Variants in PHAF1 observed in about 807,000 individuals in gnomAD.
PHAF1 encodes phagophore assembly factor 1.
A neutral mutation model predicts 63.1 loss-of-function variants in PHAF1; 23 were observed. The ratio of observed to expected loss-of-function variants is 0.36; its 90% CI spans 0.26 to 0.52. The LOEUF is 0.52. PHAF1 is among the 20% of genes least tolerant of loss of function. The pLI is 0.93. For synonymous variants in PHAF1, 167 were observed against 185.0 expected (o/e 0.90, Z 0.79); for missense variants, 427 against 517.2 (o/e 0.83, Z 1.69).
chr16:67,136,555 T>TC (rs1491226781), intron 8 of PHAF1, among the ~76,000 whole-genome samples: 1 of 90,820 alleles, frequency 1.1e-5, no homozygotes, highest in Non-Finnish European at 1.9e-5. Context: ...CATTGATTCC[T>TC]TTTTTTTTTT....
chr16:67,120,063 A>T (rs1160883472), intron 1 of PHAF1, 49 bp from the exon 2 acceptor site: 1 of 1,545,890 alleles, frequency 6.5e-7, no homozygotes. Context: ...GGTAGATGTC[A>T]ATAGATGGAT....
At chr16:67,142,522 A>AG (rs1963852939) in intron 10 of PHAF1, among the ~76,000 whole-genome samples, 1 of 152,208 alleles carries the variant, frequency 6.6e-6, no homozygotes, top group Non-Finnish European at 1.5e-5. Context: ...CCGAGGCGGC[A>AG]GGGGGCTAGT....
chr16:67,136,369 T>C (rs775389027), intron 8 of PHAF1: 2 of 151,872 alleles, frequency 1.3e-5, no homozygotes, highest in Non-Finnish European at 2.9e-5. Flanking sequence ...ATGCCTCATT[T>C]TGTGACATTC....
chr16:67,140,505 C>A lies in PHAF1; in HGVS notation c.796-6C>A. The A allele has an allele frequency of 6.4e-7, 1 of 1,566,272 alleles. No homozygotes were observed. Among genetic ancestry groups the A allele is most frequent in the South Asian group, 1.1e-5 (1 of 89,994 alleles). ...ATTTTAATTTATGGTTATTTTTTCC[C>A]TACAGATGAAAATTCATTCTCCTTC... On this transcript the variant is annotated splice_region_variant and splice_polypyrimidine_tract_variant and intron_variant, in intron 9 of 15. Transcript: ENST00000219139.
intron 2 of PHAF1, among the ~76,000 whole-genome samples, chr16:67,121,392 C>T (rs1962968814): frequency 7.1e-6 from 1 of 139,874 alleles, no homozygotes. Flanking sequence ...TTAGTAGAGA[C>T]AGGTTTTCAC....
intron 14 of PHAF1, 25 bp from the exon 15 acceptor site, chr16:67,146,253 C>CT: frequency 6.2e-7 from 1 of 1,606,138 alleles, no homozygotes; most frequent in Non-Finnish European, 8.5e-7. Flanking sequence ...GTCTGCCTCT[C>CT]TAATTCTGAA....
chr16:67,119,686 ATT>A (rs776583499), intron 1 of PHAF1, among the ~76,000 whole-genome samples: 32 of 132,296 alleles, frequency 2.4e-4, no homozygotes, highest in Non-Finnish European at 1.8e-4. Flanking sequence ...CGCCTGGCTA[ATT>A]TTTTTTTTTT....
At chr16:67,143,310 G>T (rs1221999714) in intron 10 of PHAF1, among the ~76,000 whole-genome samples, 1 of 152,196 alleles carries the variant, frequency 6.6e-6, no homozygotes, top group Non-Finnish European at 1.5e-5. Context: ...GCCAAGGTGG[G>T]TGGATCACCT....
At chr16:67,111,892 T>C (rs1011852652) in intron 1 of PHAF1, among the ~76,000 whole-genome samples, 2 of 152,188 alleles carry the variant, frequency 1.3e-5, no homozygotes, top group Non-Finnish European at 2.9e-5. Flanking sequence ...AGTGCTAGGA[T>C]TACAGGTGTG....
At chr16:67,120,915 T>C (rs1489505007) in intron 2 of PHAF1, among the ~76,000 whole-genome samples, 1 of 152,194 alleles carries the variant, frequency 6.6e-6, no homozygotes, top group Non-Finnish European at 1.5e-5. Context: ...ATGTTGTAAA[T>C]TGTAGGTAGG....
chr16:67,129,143 G>C (rs923253278), intron 3 of PHAF1, among the ~76,000 whole-genome samples: 2 of 152,208 alleles, frequency 1.3e-5, no homozygotes, highest in African/African-American at 2.4e-5. Context: ...CCCATGCCCA[G>C]ATATTCTGAA....
intron 1 of PHAF1, among the ~76,000 whole-genome samples, chr16:67,117,394 G>A (rs1962782675): frequency 6.6e-6 from 1 of 151,590 alleles, no homozygotes; most frequent in Non-Finnish European, 1.5e-5. Flanking sequence ...TAGACTGTTG[G>A]AGATGTCATT....
chr16:67,139,233 CTT>C (rs1401780983), intron 8 of PHAF1, among the ~76,000 whole-genome samples: 1 of 150,690 alleles, frequency 6.6e-6, no homozygotes, highest in Non-Finnish European at 1.5e-5. Flanking sequence ...AGAAGTACCT[CTT>C]AACATAAATC....
intron 8 of PHAF1, among the ~76,000 whole-genome samples, chr16:67,137,154 C>G (rs1008861663): frequency 4.7e-5 from 5 of 107,228 alleles, no homozygotes; most frequent in African/African-American, 1.7e-4. Context: ...GACTCCTTCT[C>G]AAAAAAAAAA....
intron 3 of PHAF1, among the ~76,000 whole-genome samples, chr16:67,128,447 A>G (rs1200102719): frequency 6.6e-6 from 1 of 152,108 alleles, no homozygotes; most frequent in African/African-American, 2.4e-5. Flanking sequence ...GACCTGACCT[A>G]TCTTCCTGCC....
chr16:67,124,583 A>G (rs1223713668), intron 2 of PHAF1, among the ~76,000 whole-genome samples: 1 of 152,206 alleles, frequency 6.6e-6, no homozygotes, highest in Non-Finnish European at 1.5e-5. Context: ...GAGAAGCTCT[A>G]TAAAGAAACT....
chr16:67,132,481 C>T lies in PHAF1; in HGVS notation c.311C>T (p.Thr104Ile). ...TTTAATTCTCAGGCCATAGCTCCTACCATTGAACAGATTGACCAGTCTTTT... is the reference window on the plus strand; with the variant it reads ...TTTAATTCTCAGGCCATAGCTCCTATCATTGAACAGATTGACCAGTCTTTT... ...VHFNSQAIAP[T>I]IEQIDQSFGA... Residue 104 changes from threonine to isoleucine, a missense_variant, in exon 5 of 16, where the codon ACC becomes ATC. Physicochemically the swap from Thr to Ile is moderately conservative, Grantham distance 89 (BLOSUM62 -1). Transcript: ENST00000219139. 1 of 1,614,050 alleles carries T rather than the reference C, an allele frequency of 6.2e-7. No homozygotes were observed.
chr16:67,145,892 T>C (rs1033697740), intron 14 of PHAF1, among the ~76,000 whole-genome samples: 1 of 152,116 alleles, frequency 6.6e-6, no homozygotes, highest in African/African-American at 2.4e-5. Context: ...CCTCAGTTAT[T>C]CAATAAGGAA....
At chr16:67,128,004 T>C (rs1963255156) in intron 3 of PHAF1, among the ~76,000 whole-genome samples, 2 of 152,156 alleles carry the variant, frequency 1.3e-5, no homozygotes, top group Non-Finnish European at 2.9e-5. Flanking sequence ...AATCACAGCA[T>C]GGTGAAGACA....
Sources: gnomAD v4.1 joint callset for allele counts (sites outside exome capture counted in the v4.1 genomes callset) on GRCh38, gnomAD v4.1.1 for gene constraint, MANE v1.5 for transcripts, NCBI Gene and HGNC (gene_info 2026-07-23, HGNC 2026-07-21) for gene names.